The following CDH4 variants were observed in gnomAD, a reference collection of about 807,000 sequenced individuals.
CDH4 encodes the protein cadherin-4.
Under a neutral mutation model 86.0 loss-of-function variants are expected in CDH4, and 33 were observed. The ratio of observed to expected loss-of-function variants is 0.38; its 90% CI spans 0.29 to 0.51. The LOEUF (loss-of-function observed/expected upper bound fraction) is 0.51. Among genes scored for constraint, CDH4 ranks in the 20% least tolerant of loss-of-function variants. The pLI, the probability that CDH4 is intolerant of heterozygous loss-of-function variation, is 0.86. For synonymous variants in CDH4, 555 were observed against 549.4 expected (o/e 1.01, Z -0.14); for missense variants, 1,114 against 1,307.4 (o/e 0.85, Z 2.28).
intron 2 of CDH4, among the ~76,000 whole-genome samples, chr20:61,405,086 A>G (rs1351149455): frequency 6.6e-6 from 1 of 152,140 alleles, no homozygotes; most frequent in Non-Finnish European, 1.5e-5. Flanking sequence ...TGGGGTTATC[A>G]ATAAGTGAAT....
rs142995081 is a variant in CDH4 at position 61,928,383 on chromosome 20, G to A, written c.1965G>A (p.Pro655=). The change falls in exon 12 of 16, where the codon CCG becomes CCA. Residue 655 remains proline, a synonymous_variant. Transcript: ENST00000614565. Reference sequence around the variant, plus strand: ...ACGTCTTCGAGCTGCCCTTTGTCCCGGCGGCCGTGCGGAAGAACTGGACCA... The same window carrying A: ...ACGTCTTCGAGCTGCCCTTTGTCCCAGCGGCCGTGCGGAAGAACTGGACCA... ...GPYVFELPFV[P]AAVRKNWTIT... The A allele has an allele frequency of 0.017, 27,078 of 1,611,808 alleles. 270 individuals are homozygous for A. Among genetic ancestry groups the A allele is most frequent in the Non-Finnish European group, 0.021 (24,775 of 1,179,998 alleles).
intron 4 of CDH4, among the ~76,000 whole-genome samples, chr20:61,842,432 G>A (rs1302490909): frequency 6.6e-6 from 1 of 152,218 alleles, no homozygotes; most frequent in African/African-American, 2.4e-5. Flanking sequence ...CTCTGGAAAA[G>A]TTTCAGGAAA....
At chr20:61,556,513 G>T (rs1373095538) in intron 2 of CDH4, among the ~76,000 whole-genome samples, 1 of 152,200 alleles carries the variant, frequency 6.6e-6, no homozygotes, top group Non-Finnish European at 1.5e-5. Flanking sequence ...AGTCCAAACA[G>T]AAGCTTGAGT....
At chr20:61,901,897 C>T (rs6121838) in intron 8 of CDH4, among the ~76,000 whole-genome samples, 122,251 of 152,174 alleles carry the variant, frequency 0.8, 51,040 homozygotes, top group East Asian at 1. Flanking sequence ...TCAGTGGCAC[C>T]ACTGTCCGTC....
chr20:61,282,551 G>GTGTGTA, intron 2 of CDH4, among the ~76,000 whole-genome samples: 2 of 102,330 alleles, frequency 2.0e-5, no homozygotes, highest in Admixed American at 1.9e-4. Context: ...GTGTGCATGT[G>GTGTGTA]TGTGTGTGTG....
At chr20:61,667,646 G>GCACACA (rs35914981) in intron 2 of CDH4, among the ~76,000 whole-genome samples, 1 of 151,468 alleles carries the variant, frequency 6.6e-6, no homozygotes, top group Admixed American at 6.6e-5. Flanking sequence ...TTTGTGTGTG[G>GCACACA]CACACACACA....
In CDH4 at chr20:61,894,935, T is replaced by C. The variant is rs540041409; in HGVS notation, c.1076T>C (p.Val359Ala). 6.2e-7 allele frequency: 1 copy of C among 1,613,948 alleles called. No individual in the cohort carries two copies. Among genetic ancestry groups the C allele is most frequent in the South Asian group, 1.1e-5 (1 of 91,086 alleles). The change falls in exon 8 of 16, where the codon GTT becomes GCT. Residue 359 changes from valine (V) to alanine (A), a missense_variant. Transcript: ENST00000614565. ...AAAGTTCAGCAGTACACAGTCATCG[T>C]TCAGGCCACAGATATGGAAGGAAAT... ...REKVQQYTVIVQATDMEGNLN... is the reference protein window; with the variant it reads ...REKVQQYTVIAQATDMEGNLN...
intron 6 of CDH4, among the ~76,000 whole-genome samples, chr20:61,854,320 G>A (rs188859244): frequency 3.0e-4 from 46 of 152,326 alleles, no homozygotes; most frequent in South Asian, 1.4e-3. Context: ...AGGTGGCTGC[G>A]TGGGCGGTCC....
At chr20:61,772,510 A>G (rs1054583174) in intron 3 of CDH4, among the ~76,000 whole-genome samples, 2 of 152,122 alleles carry the variant, frequency 1.3e-5, no homozygotes, top group East Asian at 1.9e-4. Context: ...ACAACATTCC[A>G]TTTGATTTTT....
chr20:61,823,024 C>T (rs1333008024), intron 4 of CDH4, among the ~76,000 whole-genome samples: 3 of 152,128 alleles, frequency 2.0e-5, no homozygotes, highest in Non-Finnish European at 2.9e-5. Context: ...TTAGCTAGGG[C>T]GACCATGGAG....
intron 2 of CDH4, among the ~76,000 whole-genome samples, chr20:61,580,924 C>T (rs1019649286): frequency 6.6e-5 from 10 of 152,136 alleles, no homozygotes; most frequent in Non-Finnish European, 1.5e-4. Flanking sequence ...CAGCAGGACC[C>T]GAGGACCTGA....
chr20:61,656,729 C>T (rs190811992), intron 2 of CDH4, among the ~76,000 whole-genome samples: 1 of 152,318 alleles, frequency 6.6e-6, no homozygotes, highest in East Asian at 1.9e-4. Flanking sequence ...CTCCCAGGAT[C>T]GTCCCCTGCA....
intron 2 of CDH4, among the ~76,000 whole-genome samples, chr20:61,724,335 G>A (rs949478220): frequency 1.3e-5 from 2 of 152,202 alleles, no homozygotes; most frequent in Non-Finnish European, 2.9e-5. Flanking sequence ...GCCAGCGCCT[G>A]TGTTGTAGGT....
intron 2 of CDH4, among the ~76,000 whole-genome samples, chr20:61,535,389 C>T (rs757134265): frequency 1.4e-4 from 21 of 152,238 alleles, no homozygotes; most frequent in East Asian, 1.9e-4. Flanking sequence ...CCCAGGCCCA[C>T]GGAACAAGGA....
intron 4 of CDH4, among the ~76,000 whole-genome samples, chr20:61,791,933 A>C (rs568573994): frequency 2.6e-5 from 4 of 152,050 alleles, no homozygotes; most frequent in Admixed American, 2.6e-4. Flanking sequence ...AGCAGGTCCC[A>C]GGGCCCCCAG....
chr20:61,575,912 G>C (rs1188608266), intron 2 of CDH4, among the ~76,000 whole-genome samples: 1 of 152,186 alleles, frequency 6.6e-6, no homozygotes, highest in Non-Finnish European at 1.5e-5. Context: ...GTAGGGGAGA[G>C]GCTGATGACA....
At position 61,565,316 on chromosome 20, in the gene CDH4, GC is replaced by G. The variant is rs2086281328; in HGVS notation, c.170-178246del. On this transcript the variant is annotated intron_variant, in intron 2 of 15. Coordinates refer to ENST00000614565, the MANE Select transcript of CDH4 (RefSeq NM_001794.5). The stretch of plus-strand genomic sequence containing the variant: ...GGTGGTGGCGGTGCTCTTGGTGGTG[GC>G]GGTGCTCTTGGTGATGGTGGTAGTG... Among the ~76,000 whole-genome samples, 11 of 83,984 alleles carry G rather than the reference GC, an allele frequency of 1.3e-4. 3 individuals are homozygous for G. Among genetic ancestry groups the G allele is most frequent in the Non-Finnish European group, 2.9e-4 (11 of 37,524 alleles). 55.1% of individuals were successfully genotyped at this position (83,984 alleles called of 152,430 possible).
chr20:61,343,146 C>T (rs748983221), intron 2 of CDH4, among the ~76,000 whole-genome samples: 25 of 152,202 alleles, frequency 1.6e-4, no homozygotes, highest in Non-Finnish European at 2.8e-4. Flanking sequence ...GATGCTCATT[C>T]GTGCTGTGGC....
chr20:61,723,592 C>T (rs11204444), intron 2 of CDH4, among the ~76,000 whole-genome samples: 12,091 of 152,264 alleles, frequency 0.079, 579 homozygotes, highest in South Asian at 0.21. Flanking sequence ...TCGAGGGTTC[C>T]CTGAACAGCT....
Sources: gnomAD v4.1 joint callset for allele counts (sites outside exome capture counted in the v4.1 genomes callset) on GRCh38, gnomAD v4.1.1 for gene constraint, MANE v1.5 for transcripts, NCBI Gene and HGNC (gene_info 2026-07-23, HGNC 2026-07-21) for gene names.